The following GDPD4 variants were observed in gnomAD, a reference collection of about 807,000 sequenced individuals.
GDPD4 encodes glycerophosphodiester phosphodiesterase 6.
In GDPD4, 60 loss-of-function variants were observed where a neutral mutation model predicts 67.8. The observed-to-expected ratio is 0.88, with a 90% confidence interval of 0.72 to 1.10. GDPD4 has a LOEUF of 1.10. Ranked by LOEUF, GDPD4 falls within the 50% of genes least tolerant of loss-of-function variation. GDPD4 has a pLI of 0.00. For synonymous variants in GDPD4, 212 were observed against 210.9 expected (o/e 1.00, Z -0.04); for missense variants, 623 against 613.9 (o/e 1.01, Z -0.16).
At chr11:77,301,413 A>C (rs955433136) in intron 1 of GDPD4, among the ~76,000 whole-genome samples, 192 bp downstream of exon 1, 2 of 152,176 alleles carry the variant, frequency 1.3e-5, no homozygotes, top group Non-Finnish European at 2.9e-5. Context: ...AAAATACACG[A>C]AGCCGCTACT....
chr11:77,297,260 C>G (rs1343036821), intron 1 of GDPD4, among the ~76,000 whole-genome samples: 1 of 150,916 alleles, frequency 6.6e-6, no homozygotes, highest in Non-Finnish European at 1.5e-5. Context: ...AAAGTAGATG[C>G]TCTGGGCCGG....
At chr11:77,262,302 C>A (rs1223356783) in intron 10 of GDPD4, among the ~76,000 whole-genome samples, 1 of 152,168 alleles carries the variant, frequency 6.6e-6, no homozygotes, top group South Asian at 2.1e-4. Context: ...CCCCTGTCAG[C>A]AGGAAATCAG....
intron 13 of GDPD4, among the ~76,000 whole-genome samples, chr11:77,238,684 G>A (rs1026140483): frequency 6.6e-6 from 1 of 151,790 alleles, no homozygotes; most frequent in East Asian, 1.9e-4. Flanking sequence ...ATAACAAGGA[G>A]TAATAAAAAG....
intron 2 of GDPD4, among the ~76,000 whole-genome samples, chr11:77,286,372 G>C (rs1195332117): frequency 6.6e-6 from 1 of 152,184 alleles, no homozygotes; most frequent in Non-Finnish European, 1.5e-5. Context: ...AATTCCTTGA[G>C]AGCAGGAACC....
At chr11:77,238,731 A>G (rs1958610426) in intron 13 of GDPD4, among the ~76,000 whole-genome samples, 1 of 152,208 alleles carries the variant, frequency 6.6e-6, no homozygotes, top group Non-Finnish European at 1.5e-5. Flanking sequence ...AGCCCAGGAC[A>G]TAGTGGCTTC....
intron 16 of GDPD4, among the ~76,000 whole-genome samples, chr11:77,223,428 TAACA>T (rs1254936946): frequency 1.3e-5 from 2 of 152,320 alleles, no homozygotes; most frequent in South Asian, 2.1e-4. Context: ...GTTTTCCTTC[TAACA>T]AACAGTCAGG....
chr11:77,260,099 G>A (rs991661624), intron 10 of GDPD4, among the ~76,000 whole-genome samples: 5 of 152,068 alleles, frequency 3.3e-5, no homozygotes, highest in African/African-American at 1.2e-4. Flanking sequence ...TCATGAGGTC[G>A]AGATCAAGAC....
Position 77,294,371 on chromosome 11 carries a change from A to G in GDPD4, c.-253-6951T>C, listed in dbSNP as rs189009787. On this transcript the variant is annotated intron_variant, in intron 1 of 16. Transcript: ENST00000315938. ...ATTTAAAAATTAAATTTAAATGATG[A>G]TTTACAATAGTAACAAACACATACT... is the stretch of plus-strand genomic sequence containing the variant. 6.9e-3 allele frequency among the ~76,000 whole-genome samples: 1,057 copies of G among 152,316 alleles called. 8 individuals carry two copies. The highest frequency in any genetic ancestry group is 0.011 in the Non-Finnish European group (752 of 68,012).
At chr11:77,283,319 A>C (rs1959843037) in intron 3 of GDPD4, among the ~76,000 whole-genome samples, 1 of 152,170 alleles carries the variant, frequency 6.6e-6, no homozygotes, top group South Asian at 2.1e-4. Flanking sequence ...AAGTAATATG[A>C]CCAGAGTGAC....
intron 11 of GDPD4, among the ~76,000 whole-genome samples, chr11:77,246,925 TAAAAGGCTACC>T (rs1156242042): frequency 6.6e-5 from 10 of 152,200 alleles, no homozygotes; most frequent in Non-Finnish European, 1.5e-4. Context: ...AAGGCAGTGA[TAAAAGGCTACC>T]TCCCAGGAGA....
chr11:77,291,957 G>A (rs764446700), intron 1 of GDPD4, among the ~76,000 whole-genome samples: 3 of 152,276 alleles, frequency 2.0e-5, no homozygotes, highest in East Asian at 1.9e-4. Flanking sequence ...TTGAACCCAG[G>A]AGGTGGAGGT....
intron 16 of GDPD4, among the ~76,000 whole-genome samples, chr11:77,221,197 T>A (rs751421926): frequency 6.6e-6 from 1 of 152,150 alleles, no homozygotes; most frequent in African/African-American, 2.4e-5. Context: ...AGCTCCTGGA[T>A]TGATTTTTTT....
At chr11:77,246,244 G>GC in intron 11 of GDPD4, among the ~76,000 whole-genome samples, 1 of 152,208 alleles carries the variant, frequency 6.6e-6, no homozygotes, top group East Asian at 1.9e-4. Context: ...CTATGATTGT[G>GC]CCATTGCACT....
intron 1 of GDPD4, among the ~76,000 whole-genome samples, chr11:77,289,844 GAGGGAGGGAGA>G (rs1359888846): frequency 1.5e-5 from 2 of 137,296 alleles, no homozygotes; most frequent in African/African-American, 2.7e-5. Flanking sequence ...GGAAGGAAAG[GAGGGAGGGAGA>G]AGGGAGGGAG....
At chr11:77,284,559 A>G (rs144950685) in intron 3 of GDPD4, among the ~76,000 whole-genome samples, 2 of 152,306 alleles carry the variant, frequency 1.3e-5, no homozygotes, top group African/African-American at 2.4e-5. Flanking sequence ...GTTAGAAGAC[A>G]TCAAGCCAGA....
Position 77,216,723 on chromosome 11 carries a change from A to G in GDPD4, c.*554T>C, listed in dbSNP as rs946386101. On this transcript the variant is annotated 3_prime_UTR_variant, in exon 17 of 17. Coordinates refer to ENST00000315938, the MANE Select transcript of GDPD4 (RefSeq NM_182833.3). The stretch of plus-strand genomic sequence containing the variant: ...GATGCATTCTTGATAGCGAGAGCAC[A>G]ATGGTTCCCCTGAGAGCCTCCGTGG... The G allele has an allele frequency of 3.4e-5, 20 of 586,810 alleles. No homozygotes were observed. The highest frequency in any genetic ancestry group is 5.4e-5 in the Non-Finnish European group (18 of 330,584). The allele number at this position is 586,810 out of a possible 1,614,324, so 36.4% of individuals were successfully genotyped here.
At chr11:77,218,736 T>C (rs1264956196) in intron 16 of GDPD4, among the ~76,000 whole-genome samples, 1 of 152,228 alleles carries the variant, frequency 6.6e-6, no homozygotes, top group East Asian at 1.9e-4. Flanking sequence ...TTTTTGTGGC[T>C]GCATAATATT....
At chr11:77,256,680 A>G (rs1349354087) in intron 11 of GDPD4, among the ~76,000 whole-genome samples, 1 of 152,138 alleles carries the variant, frequency 6.6e-6, no homozygotes, top group Non-Finnish European at 1.5e-5. Context: ...TCCCCTTAGT[A>G]ATGAGTGAAT....
chr11:77,287,021 ATGAAG>A (rs1960021862), intron 2 of GDPD4, 192 bp downstream of exon 2: 1 of 152,266 alleles, frequency 6.6e-6, no homozygotes, highest in African/African-American at 2.4e-5. Context: ...AAAGTGAAAA[ATGAAG>A]TGAAGGAAAG....
Sources: gnomAD v4.1 joint callset for allele counts (sites outside exome capture counted in the v4.1 genomes callset) on GRCh38, gnomAD v4.1.1 for gene constraint, MANE v1.5 for transcripts, NCBI Gene and HGNC (gene_info 2026-07-23, HGNC 2026-07-21) for gene names.